Variants in FLT3 observed in about 807,000 individuals in gnomAD.
FLT3 encodes the protein receptor-type tyrosine-protein kinase FLT3.
FLT3 carries 46 observed loss-of-function variants against 126.6 expected under a neutral mutation model. That is an observed-to-expected ratio of 0.36 (90% confidence interval 0.29 to 0.46). FLT3 has a LOEUF of 0.46. Among genes scored for constraint, FLT3 ranks in the 20% least tolerant of loss-of-function variants. The pLI is 1.00. For missense variants in FLT3, 1,069 were observed against 1,190.3 expected (o/e 0.90, Z 1.50); for synonymous variants, 404 against 434.4 (o/e 0.93, Z 0.87).
chr13:28,004,873 G>T (rs1870744552), intron 23 of FLT3, among the ~76,000 whole-genome samples: 1 of 152,084 alleles, frequency 6.6e-6, no homozygotes, highest in Non-Finnish European at 1.5e-5. Context: ...GGCCACAAAA[G>T]GAAATCTGTT....
intron 9 of FLT3, among the ~76,000 whole-genome samples, chr13:28,043,746 T>C (rs1310779074): frequency 6.6e-6 from 1 of 152,192 alleles, no homozygotes; most frequent in East Asian, 1.9e-4. Flanking sequence ...CTCAGGAGGC[T>C]GAGGCGGGAG....
At chr13:28,049,995 T>C (rs1424689463) in intron 6 of FLT3, 100 bp downstream of exon 6, 2 of 1,343,828 alleles carry the variant, frequency 1.5e-6, no homozygotes, top group African/African-American at 2.9e-5. Flanking sequence ...AATGATAGGA[T>C]TTCTGAAGTT....
At chr13:28,059,300 C>T (rs1251003884) in intron 3 of FLT3, among the ~76,000 whole-genome samples, 2 of 152,104 alleles carry the variant, frequency 1.3e-5, no homozygotes, top group Admixed American at 6.5e-5. Flanking sequence ...AAGCGCGTGC[C>T]TTCTCTACAC....
At chr13:28,021,718 T>C (rs1378820127) in intron 19 of FLT3, among the ~76,000 whole-genome samples, 1 of 152,004 alleles carries the variant, frequency 6.6e-6, no homozygotes, top group African/African-American at 2.4e-5. Context: ...TACACCACTG[T>C]GCCCAGCCTA....
rs770523096 is a variant in FLT3 at position 28,028,233 on chromosome 13, G to A, written c.1998C>T (p.Thr666=). ...EALMSELKMM[T]QLGSHENIVN... ...CAATATTCTCGTGGCTTCCCAGCTGGGTCATCATCTTGAGTTCTGACATGA... is the reference window on the plus strand; with the variant it reads ...CAATATTCTCGTGGCTTCCCAGCTGAGTCATCATCTTGAGTTCTGACATGA... The change falls in exon 16 of 24, where the codon ACC becomes ACT. Residue 666 remains threonine (T), a synonymous_variant. Coordinates refer to ENST00000241453, the MANE Select transcript of FLT3 (RefSeq NM_004119.3). The A allele has an allele frequency of 1.9e-6, 3 of 1,612,402 alleles. No homozygotes were observed. The highest frequency in any genetic ancestry group is 2.2e-5 in the South Asian group (2 of 91,038).
chr13:28,055,038 A>G (rs545873871), intron 4 of FLT3, among the ~76,000 whole-genome samples: 1 of 152,180 alleles, frequency 6.6e-6, no homozygotes, highest in Non-Finnish European at 1.5e-5. Flanking sequence ...GTGAACTGCA[A>G]GTATTTTTTC....
intron 17 of FLT3, among the ~76,000 whole-genome samples, chr13:28,026,380 C>T: frequency 6.8e-6 from 1 of 146,190 alleles, no homozygotes; most frequent in East Asian, 2.0e-4. Context: ...AAAAAGAATG[C>T]TCCAAGGCTC....
intron 1 of FLT3, among the ~76,000 whole-genome samples, chr13:28,079,071 C>T (rs1345606468): frequency 6.6e-6 from 1 of 152,154 alleles, no homozygotes; most frequent in African/African-American, 2.4e-5. Context: ...TTATGCTCTG[C>T]TTCCCTTACA....
At chr13:28,014,044 G>A (rs557376394) in intron 23 of FLT3, among the ~76,000 whole-genome samples, 2 of 152,182 alleles carry the variant, frequency 1.3e-5, no homozygotes, top group South Asian at 4.1e-4. Context: ...GGCTGAGGTG[G>A]GGGAATCGCT....
At chr13:28,021,427 A>G (rs1872374307) in intron 19 of FLT3, among the ~76,000 whole-genome samples, 1 of 152,158 alleles carries the variant, frequency 6.6e-6, no homozygotes, top group Admixed American at 6.5e-5. Flanking sequence ...GCAGGATTGT[A>G]GTTGTATAAG....
At chr13:28,045,013 G>C (rs777443445) in intron 9 of FLT3, among the ~76,000 whole-genome samples, 9 of 152,182 alleles carry the variant, frequency 5.9e-5, no homozygotes, top group Non-Finnish European at 1.2e-4. Context: ...CTTATCTGTT[G>C]CCAGATAAGT....
intron 19 of FLT3, among the ~76,000 whole-genome samples, chr13:28,021,635 C>T (rs1198564901): frequency 6.6e-6 from 1 of 152,108 alleles, no homozygotes; most frequent in Non-Finnish European, 1.5e-5. Context: ...GACTGGAGGG[C>T]AGTGCTATAG....
At chr13:28,037,120 G>C in intron 10 of FLT3, 65 bp downstream of exon 10, 1 of 969,254 alleles carries the variant, frequency 1.0e-6, no homozygotes, top group Non-Finnish European at 1.6e-6. Flanking sequence ...ACTTTTCCTA[G>C]TTAAGACTAA....
Position 28,100,364 on chromosome 13 carries a change from A to G in FLT3, c.43+104T>C. On this transcript the variant is annotated intron_variant, in intron 1 of 23. Transcript: ENST00000241453. The surrounding 1 kb of genome is among the most constrained non-coding windows in gnomAD (Gnocchi z 4.8). Reference sequence around the variant, plus strand: ...GGCAATGGAAGGAGCGAGCGCGGGGAGGAGCGAGGCGGCTGGGCCGGAGGA... The same window carrying G: ...GGCAATGGAAGGAGCGAGCGCGGGGGGGAGCGAGGCGGCTGGGCCGGAGGA... The G allele has an allele frequency of 1.3e-6, 1 of 771,034 alleles. No individual in the cohort carries two copies. Among genetic ancestry groups the G allele is most frequent in the Non-Finnish European group, 1.7e-6 (1 of 575,414 alleles). 47.8% of individuals were successfully genotyped at this position (771,034 alleles called of 1,614,324 possible).
At chr13:28,049,304 G>T in intron 8 of FLT3, 80 bp downstream of exon 8, 1 of 1,286,168 alleles carries the variant, frequency 7.8e-7, no homozygotes, top group Non-Finnish European at 1.1e-6. Flanking sequence ...ATTGAAATCA[G>T]AATTTGTACC....
In FLT3 at chr13:28,004,113, G is replaced by A. The variant is rs2137578208; in HGVS notation, c.2921C>T (p.Pro974Leu). The A allele has an allele frequency of 1.2e-6, 2 of 1,614,072 alleles. No individual in the cohort carries two copies. The highest frequency in any genetic ancestry group is 8.5e-7 in the Non-Finnish European group (1 of 1,180,026). Residue 974 changes from proline to leucine, a missense_variant, in exon 24 of 24, where the codon CCT (proline) becomes CTT (leucine). Pro to Leu is a moderately conservative substitution (Grantham distance 98). Coordinates refer to ENST00000241453, the MANE Select transcript of FLT3 (RefSeq NM_004119.3). Reference protein sequence around the residue: ...ECPHTYQNRRPFSREMDLGLL... With the variant: ...ECPHTYQNRRLFSREMDLGLL... ...CCCCAAATCCATCTCTCTGCTGAAA[G>A]GTCGCCTGTTTTGGTAGGTGTGAGG...
rs2137675932 is a variant in FLT3, at chr13:28,034,187, T to C, written c.1732A>G (p.Met578Val). The change falls in exon 14 of 24, where the codon ATG (methionine) becomes GTG (valine). Residue 578 changes from methionine to valine, a missense_variant. Met to Val is a conservative substitution (Grantham distance 21). Coordinates refer to ENST00000241453, the MANE Select transcript of FLT3 (RefSeq NM_004119.3). ...TCTGAGGAGCCGGTCACCTGTACCA[T>C]CTGTAGCTGGCTTTCATACCTAAAT... The part of the protein sequence containing the change: ...KQFRYESQLQ[M>V]VQVTGSSDNE... 1 of 1,614,084 alleles carries C rather than the reference T, an allele frequency of 6.2e-7. No homozygotes were observed. The highest frequency in any genetic ancestry group is 2.2e-5 in the East Asian group (1 of 44,872).
At chr13:28,020,154 G>A (rs1486841347) in intron 19 of FLT3, among the ~76,000 whole-genome samples, 1 of 151,934 alleles carries the variant, frequency 6.6e-6, no homozygotes, top group African/African-American at 2.4e-5. Context: ...CACATTCCCT[G>A]CTGGTTTTCC....
chr13:28,049,602 C>T (rs2137728410), intron 7 of FLT3, 33 bp downstream of exon 7: 1 of 1,613,286 alleles, frequency 6.2e-7, no homozygotes, highest in South Asian at 1.1e-5. Context: ...TTAATTGTTC[C>T]TGCATTTTCA....
Sources: allele counts gnomAD v4.1 joint callset (sites outside exome capture counted in the v4.1 genomes callset), GRCh38; gene constraint gnomAD v4.1.1; non-coding constraint Gnocchi (gnomAD v3.1); transcripts MANE v1.5; gene names NCBI Gene and HGNC (gene_info 2026-07-23, HGNC 2026-07-21).